The following MUC5B variants were observed in gnomAD, a reference collection of about 807,000 sequenced individuals.
The protein encoded by MUC5B is mucin-5B.
MUC5B carries 116 observed loss-of-function variants against 376.9 expected under a neutral mutation model. The observed-to-expected ratio is 0.31, with a 90% confidence interval of 0.26 to 0.36. The LOEUF (loss-of-function observed/expected upper bound fraction) is 0.36, where lower values mean the gene tolerates loss of function less well. Ranked by LOEUF, MUC5B falls within the 10% of genes least tolerant of loss-of-function variation. The probability of loss-of-function intolerance (pLI) is 1.00; values close to 1 mark genes in which losing one functional copy is unlikely to be tolerated. For synonymous variants in MUC5B, 3,517 were observed against 3,390.9 expected (o/e 1.04, Z -1.29); for missense variants, 7,165 against 7,769.9 (o/e 0.92, Z 2.93).
rs200676815 is a variant in MUC5B, at chr11:1,247,693, G to C, written c.10813G>C (p.Gly3605Arg). The C allele has an allele frequency of 6.3e-7, 1 of 1,583,982 alleles. No individual in the cohort carries two copies. The highest frequency in any genetic ancestry group is 1.4e-5 in the African/African-American group (1 of 73,736). Residue 3605 changes from glycine to arginine, a missense_variant, in exon 31 of 49, where the codon GGA becomes CGA. Gly to Arg is a moderately radical substitution (Grantham distance 125). Coordinates refer to ENST00000529681, the MANE Select transcript of MUC5B (RefSeq NM_002458.3). ...CACCTACTCCAACATCCGTGCGGCC[G>C]GAGGGGCAGTCTGTGAGCAGCCCCT... ...FDTYSNIRAA[G>R]GAVCEQPLGL...
rs778338583 is a variant in MUC5B at position 1,248,818 on chromosome 11, G to A, written c.11938G>A (p.Ala3980Thr). 180 of 1,544,778 alleles carry A rather than the reference G, an allele frequency of 1.2e-4. 1 individual carries two copies. The highest frequency in any genetic ancestry group is 4.4e-4 in the Admixed American group (22 of 50,510). The change falls in exon 31 of 49, where the codon GCC becomes ACC. Residue 3980 changes from alanine to threonine, a missense_variant. Around this residue, in one of 31 missense-constraint regions of MUC5B, gnomAD observed 47 missense variants for 98.5 expected, o/e 0.48. Transcript: ENST00000529681. ...TPIPPVLTTT[A>T]TTPAATSSTV... ...TATCCCCCCAGTGCTGACCACCACC[G>A]CCACCACACCTGCAGCCACCAGCAG... is the stretch of plus-strand genomic sequence containing the variant.
rs1317758448 is a variant in MUC5B, at chr11:1,261,642, C to T, written c.*34C>T. ...TGCCTCCATCCCCATGCTCTGTCCACCTGGAGCCAGGATGTGCATTGTCTG... is the reference window on the plus strand; with the variant it reads ...TGCCTCCATCCCCATGCTCTGTCCATCTGGAGCCAGGATGTGCATTGTCTG... On this transcript the variant is annotated 3_prime_UTR_variant, in exon 49 of 49. Transcript: ENST00000529681. The T allele has an allele frequency of 9.6e-6, 15 of 1,555,840 alleles. No individual in the cohort carries two copies. Among genetic ancestry groups the T allele is most frequent in the Non-Finnish European group, 1.3e-5 (15 of 1,146,090 alleles).
Position 1,242,591 on chromosome 11 carries a change from C to T in MUC5B, c.5711C>T (p.Thr1904Ile). 2 of 1,613,788 alleles carry T rather than the reference C, an allele frequency of 1.2e-6. No homozygotes were observed. Among genetic ancestry groups the T allele is most frequent in the Non-Finnish European group, 1.7e-6 (2 of 1,179,802 alleles). The part of the protein sequence containing the change: ...TATPSSTPGT[T>I]WILTKPTTTA... ...ACGCCCTCCTCAACTCCGGGGACGA[C>T]CTGGATCCTCACAAAGCCGACCACA... The change falls in exon 31 of 49, where the codon ACC becomes ATC. Residue 1904 changes from threonine (T) to isoleucine (I), a missense_variant. Coordinates refer to ENST00000529681, the MANE Select transcript of MUC5B (RefSeq NM_002458.3).
In MUC5B at chr11:1,242,824, C is replaced by A; in HGVS notation, c.5944C>A (p.Pro1982Thr). The A allele has an allele frequency of 6.3e-7, 1 of 1,583,034 alleles. No individual in the cohort carries two copies. The highest frequency in any genetic ancestry group is 8.7e-7 in the Non-Finnish European group (1 of 1,153,758). The part of the protein sequence containing the change: ...ATTPTATSVT[P>T]IPSSSLGTTW... ...CACACCCACAGCTACCAGCGTTACA[C>A]CCATCCCCTCTTCCTCCCTGGGCAC... is the stretch of plus-strand genomic sequence containing the variant. Residue 1982 changes from proline to threonine, a missense_variant, in exon 31 of 49, where the codon CCC becomes ACC. Coordinates refer to ENST00000529681, the MANE Select transcript of MUC5B (RefSeq NM_002458.3).
rs1029024294 is a variant in MUC5B, at chr11:1,228,905, G to A, written c.976+140G>A. 2.1e-5 allele frequency: 17 copies of A among 822,388 alleles called. No individual in the cohort carries two copies. In the African/African-American group the frequency reaches 2.4e-4, roughly 12 times the overall value. The allele number at this position is 822,388 out of a possible 1,614,324, so 50.9% of individuals were successfully genotyped here. A position where few individuals can be genotyped will look rare whatever the true frequency, so the allele number is the denominator to read the frequency against. On this transcript the variant is annotated intron_variant, in intron 8 of 48. Coordinates refer to ENST00000529681, the MANE Select transcript of MUC5B (RefSeq NM_002458.3). ...ACCCACCCCAGGCATAGTGGGCAGA[G>A]GCCACCCCAGGACCCCAGGAGGGGG...
In MUC5B at chr11:1,229,734, G is replaced by T; in HGVS notation, c.1147G>T (p.Gly383Trp). ...CACGCACTCTGGCTGCCTGCCCCTC[G>T]GGCAGTGCCCCTGCACCCACGGCGG... ...DITHSGCLPLGQCPCTHGGRT... is the reference protein window; with the variant it reads ...DITHSGCLPLWQCPCTHGGRT... Residue 383 changes from glycine to tryptophan, a missense_variant, in exon 10 of 49, where the codon GGG becomes TGG. By Grantham distance (184) the Gly-to-Trp change is radical. Coordinates refer to ENST00000529681, the MANE Select transcript of MUC5B (RefSeq NM_002458.3). The T allele has an allele frequency of 6.3e-7, 1 of 1,597,820 alleles. No individual in the cohort carries two copies. Among genetic ancestry groups the T allele is most frequent in the East Asian group, 2.3e-5 (1 of 43,946 alleles).
chr11:1,240,988 C>G lies in MUC5B; in HGVS notation c.4108C>G (p.Gln1370Glu), dbSNP rs185257361. ...TGAAAACCTGAGGCAGAGAGGGTACCAGGTATGCCCTGTGCTGGCTGACAT... is the reference window on the plus strand; with the variant it reads ...TGAAAACCTGAGGCAGAGAGGGTACGAGGTATGCCCTGTGCTGGCTGACAT... ...TFENLRQRGY[Q>E]VCPVLADIEC... The change falls in exon 31 of 49, where the codon CAG becomes GAG. Residue 1370 changes from glutamine to glutamate, a missense_variant. By Grantham distance (29) the Gln-to-Glu change is conservative (BLOSUM62 2). Around this residue, in one of 31 missense-constraint regions of MUC5B, gnomAD observed 517 missense variants for 545.3 expected, o/e 0.95. Coordinates refer to ENST00000529681, the MANE Select transcript of MUC5B (RefSeq NM_002458.3). 10 of 1,613,400 alleles carry G rather than the reference C, an allele frequency of 6.2e-6. No homozygotes were observed. The highest frequency in any genetic ancestry group is 2.5e-6 in the Non-Finnish European group (3 of 1,179,848).
Position 1,236,352 on chromosome 11 carries a change from GGTCGGCTTCCGGCAGC to G in MUC5B, c.2881-30_2881-15del. On this transcript the variant is annotated intron_variant, in intron 23 of 48. Transcript: ENST00000529681. ...TCAGGCCCCTCCCTGGGGGCCACAGGGTCGGCTTCCGGCAGCGTCTGCCTCCCCTGCAGAGCTACGA... is the reference window on the plus strand; with the variant it reads ...TCAGGCCCCTCCCTGGGGGCCACAGGGTCTGCCTCCCCTGCAGAGCTACGA... 1 of 1,580,522 alleles carries G rather than the reference GGTCGGCTTCCGGCAGC, an allele frequency of 6.3e-7. No homozygotes were observed. The highest frequency in any genetic ancestry group is 8.6e-7 in the Non-Finnish European group (1 of 1,159,436).
Position 1,246,479 on chromosome 11 carries a change from C to A in MUC5B, c.9599C>A (p.Ala3200Asp). 6.2e-7 allele frequency: 1 copy of A among 1,613,614 alleles called. No individual in the cohort carries two copies. The highest frequency in any genetic ancestry group is 1.3e-5 in the African/African-American group (1 of 74,956). ...AGTLKVLTST[A>D]TTPTVISSRA... ...ACCCTCAAAGTGCTGACCAGCACGGCCACCACACCCACAGTCATCAGCTCC... is the reference window on the plus strand; with the variant it reads ...ACCCTCAAAGTGCTGACCAGCACGGACACCACACCCACAGTCATCAGCTCC... Residue 3200 changes from alanine (A) to aspartate (D), a missense_variant, in exon 31 of 49, where the codon GCC becomes GAC. Ala to Asp is a moderately radical substitution (Grantham distance 126). Around this residue, in one of 31 missense-constraint regions of MUC5B, gnomAD observed 939 missense variants for 770.6 expected, o/e 1.22. Coordinates refer to ENST00000529681, the MANE Select transcript of MUC5B (RefSeq NM_002458.3).
chr11:1,226,548 C>T (rs910699111), intron 3 of MUC5B, 67 bp from the exon 4 acceptor site: 119 of 1,533,054 alleles, frequency 7.8e-5, no homozygotes, highest in Admixed American at 1.2e-4. Context: ...CAGGGTGCCT[C>T]GGCCCAGGGG....
chr11:1,224,391 G>C (rs1442674235), intron 1 of MUC5B, among the ~76,000 whole-genome samples: 1 of 151,940 alleles, frequency 6.6e-6, no homozygotes, highest in Non-Finnish European at 1.5e-5. Context: ...TGGAGGCCCA[G>C]GTGGTCCAGC....
Position 1,257,857 on chromosome 11 carries a change from G to C in MUC5B, c.16450+147G>C. 4.7e-6 allele frequency: 5 copies of C among 1,054,874 alleles called. No individual in the cohort carries two copies. Among genetic ancestry groups the C allele is most frequent in the Non-Finnish European group, 5.3e-6 (4 of 747,686 alleles). 65.3% of individuals were successfully genotyped at this position (1,054,874 alleles called of 1,614,324 possible). On this transcript the variant is annotated intron_variant, in intron 41 of 48. Coordinates refer to ENST00000529681, the MANE Select transcript of MUC5B (RefSeq NM_002458.3). This position sits in a 1 kb window ranked among gnomAD's most constrained non-coding sequence, Gnocchi z 8.9. ...CGCGGCAGGACCACTCGGCAGAGAT[G>C]GCCTCCAGGTGCTTCATTCTCCTCC...
chr11:1,233,187 T>C lies in MUC5B; in HGVS notation c.2240T>C (p.Val747Ala). ...TTCCTCAATGACGCGGGCGCCTGTGTGCCCGCCCAGGAGTGCCCCTGCTAC... is the reference window on the plus strand; with the variant it reads ...TTCCTCAATGACGCGGGCGCCTGTGCGCCCGCCCAGGAGTGCCCCTGCTAC... ...GTFLNDAGAC[V>A]PAQECPCYAH... The change falls in exon 18 of 49, where the codon GTG becomes GCG. Residue 747 changes from valine (V) to alanine (A), a missense_variant. Val to Ala is a moderately conservative substitution (Grantham distance 64, BLOSUM62 0). This residue lies in a region of MUC5B where 530 missense variants were observed against 604.0 expected (regional missense o/e 0.88). Coordinates refer to ENST00000529681, the MANE Select transcript of MUC5B (RefSeq NM_002458.3). The C allele has an allele frequency of 1.2e-6, 2 of 1,604,012 alleles. No homozygotes were observed. Among genetic ancestry groups the C allele is most frequent in the Non-Finnish European group, 1.7e-6 (2 of 1,178,490 alleles).
rs781042028 is a variant in MUC5B at position 1,241,531 on chromosome 11, G to C, written c.4651G>C (p.Ala1551Pro). 1 of 1,613,008 alleles carries C rather than the reference G, an allele frequency of 6.2e-7. No individual in the cohort carries two copies. The highest frequency in any genetic ancestry group is 1.7e-5 in the Admixed American group (1 of 59,922). The stretch of plus-strand genomic sequence containing the variant: ...GCAGCCTAAGGACATAGAGTGCCAG[G>C]CCGAGAGCTTCCCCAACTGGACCCT... The part of the protein sequence containing the change: ...CQQPKDIECQ[A>P]ESFPNWTLAQ... The change falls in exon 31 of 49, where the codon GCC (alanine) becomes CCC (proline). Residue 1551 changes from alanine to proline, a missense_variant. Ala to Pro is a conservative substitution (Grantham distance 27). This residue lies in a region of MUC5B where 517 missense variants were observed against 545.3 expected (regional missense o/e 0.95). Transcript: ENST00000529681.
intron 15 of MUC5B, 110 bp downstream of exon 15, chr11:1,232,270 G>A: frequency 7.2e-7 from 1 of 1,390,216 alleles, no homozygotes; most frequent in Non-Finnish European, 9.7e-7. Flanking sequence ...CCCCATGGAG[G>A]CAGGTGGGAG....
Position 1,248,348 on chromosome 11 carries a change from C to A in MUC5B, c.11468C>A (p.Thr3823Lys), listed in dbSNP as rs367866719. The A allele has an allele frequency of 1.6e-4, 258 of 1,612,532 alleles. 2 individuals carry two copies. Among genetic ancestry groups the A allele is most frequent in the Non-Finnish European group, 2.1e-4 (248 of 1,179,452 alleles). ...CCCACGGCCACCATGTCCACAGCCACACCCTCCTCCACTCCAGAGACTGCC... is the reference window on the plus strand; with the variant it reads ...CCCACGGCCACCATGTCCACAGCCAAACCCTCCTCCACTCCAGAGACTGCC... ...TTPTATMSTA[T>K]PSSTPETAHT... Residue 3823 changes from threonine (T) to lysine (K), a missense_variant, in exon 31 of 49, where the codon ACA becomes AAA. Around this residue, in one of 31 missense-constraint regions of MUC5B, gnomAD observed 242 missense variants for 199.0 expected, o/e 1.22. Coordinates refer to ENST00000529681, the MANE Select transcript of MUC5B (RefSeq NM_002458.3).
intron 7 of MUC5B, among the ~76,000 whole-genome samples, chr11:1,228,341 C>T (rs1485719729): frequency 2.0e-5 from 3 of 152,312 alleles, no homozygotes; most frequent in South Asian, 2.1e-4. Flanking sequence ...GCTTACTCCA[C>T]GGGCAGGCAC....
chr11:1,234,272 C>T lies in MUC5B; in HGVS notation c.2445C>T (p.Cys815=). 2 of 1,606,840 alleles carry T rather than the reference C, an allele frequency of 1.2e-6. No individual in the cohort carries two copies. The highest frequency in any genetic ancestry group is 1.1e-5 in the South Asian group (1 of 89,528). The change falls in exon 20 of 49, where the codon TGC becomes TGT. Residue 815 remains cysteine, a synonymous_variant. Coordinates refer to ENST00000529681, the MANE Select transcript of MUC5B (RefSeq NM_002458.3). This position sits in a 1 kb window ranked among gnomAD's most constrained non-coding sequence, Gnocchi z 6.3. ...NSSAGTPGAE[C]LRSCHTLDVG... ...CGGCGGGCACCCCTGGGGCCGAGTG[C>T]CTCCGGAGCTGCCACACGCTGGACG...
At position 1,244,832 on chromosome 11, in the gene MUC5B, C is replaced by T. The variant is rs1236710665; in HGVS notation, c.7952C>T (p.Ser2651Phe). The change falls in exon 31 of 49, where the codon TCC becomes TTC. Residue 2651 changes from serine to phenylalanine, a missense_variant. Physicochemically the swap from Ser to Phe is radical, Grantham distance 155 (BLOSUM62 -2). This residue lies in a region of MUC5B where 141 missense variants were observed against 111.2 expected (regional missense o/e 1.27). Transcript: ENST00000529681. ...AGAGGTTCCACGGTGACCCCCTCCT[C>T]CATCCCGGGGACCACCCACACCCCC... ...TTRGSTVTPS[S>F]IPGTTHTPTV... The T allele has an allele frequency of 5.0e-6, 8 of 1,613,752 alleles. No homozygotes were observed. The highest frequency in any genetic ancestry group is 6.8e-6 in the Non-Finnish European group (8 of 1,179,786).
Sources: gnomAD v4.1 joint callset for allele counts (sites outside exome capture counted in the v4.1 genomes callset) on GRCh38, gnomAD v4.1.1 for gene constraint, gnomAD v4.1.1 regional missense constraint, Gnocchi (gnomAD v3.1) non-coding constraint, MANE v1.5 for transcripts, NCBI Gene and HGNC (gene_info 2026-07-23, HGNC 2026-07-21) for gene names.